Variants in CSGALNACT1 observed in about 807,000 individuals in gnomAD.
The protein encoded by CSGALNACT1 is beta4GalNAcT-1.
In CSGALNACT1, 52 loss-of-function variants were observed where a neutral mutation model predicts 51.0. That is an observed-to-expected ratio of 1.02 (90% CI 0.82 to 1.29). The LOEUF is 1.29. CSGALNACT1 is among the 50% of genes most tolerant of loss of function. The probability of loss-of-function intolerance (pLI) is 0.00; values close to 1 mark genes in which losing one functional copy is unlikely to be tolerated. For synonymous variants in CSGALNACT1, 341 were observed against 254.4 expected (o/e 1.34, Z -3.24); for missense variants, 935 against 679.2 (o/e 1.38, Z -4.19).
At position 19,451,323 on chromosome 8, in the gene CSGALNACT1, T is replaced by C. The variant is rs138694101; in HGVS notation, c.851+7103A>G. On this transcript the variant is annotated intron_variant, in intron 5 of 9. Transcript: ENST00000454498. ...GTTCCAATTTTCTATTAGTCCCAATTTCTAGGTGGACCTGTCCCTCTTCCC... is the reference window on the plus strand; with the variant it reads ...GTTCCAATTTTCTATTAGTCCCAATCTCTAGGTGGACCTGTCCCTCTTCCC... 9.2e-3 allele frequency among the ~76,000 whole-genome samples: 1,408 copies of C among 152,324 alleles called. 20 individuals are homozygous for C. Among genetic ancestry groups the C allele is most frequent in the African/African-American group, 0.032 (1,344 of 41,572 alleles).
intron 4 of CSGALNACT1, among the ~76,000 whole-genome samples, chr8:19,461,368 A>G (rs201576972): frequency 4.6e-5 from 7 of 152,166 alleles, no homozygotes; most frequent in Non-Finnish European, 7.4e-5. Context: ...CCAGGGCCCA[A>G]ATGAGGTGGG....
At chr8:19,523,470 A>G (rs1390025210) in intron 3 of CSGALNACT1, among the ~76,000 whole-genome samples, 1 of 151,774 alleles carries the variant, frequency 6.6e-6, no homozygotes, top group African/African-American at 2.4e-5. Flanking sequence ...TAGTCTTGCA[A>G]TGTTGTCCAG....
intron 1 of CSGALNACT1, among the ~76,000 whole-genome samples, chr8:19,712,707 A>T (rs2062582579): frequency 6.6e-6 from 1 of 152,210 alleles, no homozygotes; most frequent in Non-Finnish European, 1.5e-5. Flanking sequence ...CCAAAACAGC[A>T]CCAGAACACA....
intron 2 of CSGALNACT1, among the ~76,000 whole-genome samples, chr8:19,599,468 AAGAAAAAGAAAGAAAGAAAGAAAG>A (rs1344278772): frequency 1.4e-4 from 15 of 108,476 alleles, no homozygotes; most frequent in African/African-American, 5.6e-4. Context: ...GAAAGAAAGA[AAGAAAAAGAAAGAAAGAAAGAAAG>A]AAAGAAAGAA....
intron 7 of CSGALNACT1, among the ~76,000 whole-genome samples, chr8:19,419,713 G>A (rs2057582896): frequency 6.6e-6 from 1 of 152,162 alleles, no homozygotes; most frequent in African/African-American, 2.4e-5. Context: ...GTTCATGAAA[G>A]CTGACCTCCC....
upstream of CSGALNACT1, among the ~76,000 whole-genome samples, chr8:19,605,632 G>C (rs935799431): frequency 6.6e-6 from 1 of 152,108 alleles, no homozygotes; most frequent in African/African-American, 2.4e-5. Context: ...AGAGGAGGCA[G>C]GATGTGCGTG....
intron 1 of CSGALNACT1, among the ~76,000 whole-genome samples, chr8:19,737,263 T>C (rs948510587): frequency 1.3e-4 from 20 of 151,990 alleles, no homozygotes. Context: ...GGGAAGTATA[T>C]ATCTCCCAGA....
intron 4 of CSGALNACT1, among the ~76,000 whole-genome samples, chr8:19,474,936 C>A (rs939816526): frequency 1.5e-5 from 2 of 133,812 alleles, no homozygotes; most frequent in Non-Finnish European, 3.2e-5. Context: ...CTAGAATATA[C>A]AAAGATGAAT....
At chr8:19,636,525 T>C (rs2056087908) in intron 1 of CSGALNACT1, among the ~76,000 whole-genome samples, 1 of 152,146 alleles carries the variant, frequency 6.6e-6, no homozygotes, top group African/African-American at 2.4e-5. Flanking sequence ...GGTGGACAGT[T>C]TTTTATATTC....
chr8:19,588,259 T>A (rs993407999), intron 3 of CSGALNACT1, among the ~76,000 whole-genome samples: 6 of 152,040 alleles, frequency 3.9e-5, no homozygotes. Flanking sequence ...AACACATATA[T>A]ATACATACAC....
At chr8:19,542,110 A>T (rs2085331279) in intron 3 of CSGALNACT1, among the ~76,000 whole-genome samples, 1 of 151,984 alleles carries the variant, frequency 6.6e-6, no homozygotes, top group Non-Finnish European at 1.5e-5. Context: ...ATGACAAGGA[A>T]TTGTTTTCCA....
exon 10 of CSGALNACT1, chr8:19,405,142 A>T (rs950267281): frequency 2.2e-6 from 1 of 451,832 alleles, no homozygotes; most frequent in Non-Finnish European, 4.4e-6. Flanking sequence ...TCACAAGGGA[A>T]AAAAAGTGCA....
At chr8:19,676,536 G>C (rs2060205362) in intron 1 of CSGALNACT1, among the ~76,000 whole-genome samples, 1 of 152,138 alleles carries the variant, frequency 6.6e-6, no homozygotes, top group South Asian at 2.1e-4. Flanking sequence ...AAAGAATAAA[G>C]ACTGAACGAT....
At chr8:19,660,698 A>T (rs1000587793) in intron 1 of CSGALNACT1, among the ~76,000 whole-genome samples, 1 of 152,138 alleles carries the variant, frequency 6.6e-6, no homozygotes, top group African/African-American at 2.4e-5. Flanking sequence ...TTACAGGCAC[A>T]TTCTCAGAGC....
chr8:19,520,212 A>G (rs1262026682), intron 3 of CSGALNACT1, among the ~76,000 whole-genome samples: 3 of 152,260 alleles, frequency 2.0e-5, no homozygotes, highest in Non-Finnish European at 1.5e-5. Flanking sequence ...CGTATTGTGC[A>G]GAATTATTTT....
intron 7 of CSGALNACT1, among the ~76,000 whole-genome samples, chr8:19,419,672 C>G (rs1388705645): frequency 6.6e-6 from 1 of 152,298 alleles, no homozygotes; most frequent in African/African-American, 2.4e-5. Flanking sequence ...TCCAGCTCCA[C>G]CTCCTCCCCA....
At chr8:19,435,490 T>TAA (rs2060243513) in intron 6 of CSGALNACT1, among the ~76,000 whole-genome samples, 1 of 89,636 alleles carries the variant, frequency 1.1e-5, no homozygotes, top group African/African-American at 5.4e-5. Flanking sequence ...AGACTCTGAA[T>TAA]CAAAAAAAAA....
intron 4 of CSGALNACT1, among the ~76,000 whole-genome samples, chr8:19,491,905 G>A (rs138811172): frequency 1.2e-4 from 18 of 152,308 alleles, no homozygotes; most frequent in African/African-American, 4.3e-4. Flanking sequence ...AATTTTTCAA[G>A]CATTGCAGTG....
chr8:19,590,567 T>TTTA (rs1220349075), intron 3 of CSGALNACT1, among the ~76,000 whole-genome samples: 9 of 151,768 alleles, frequency 5.9e-5, no homozygotes, highest in Non-Finnish European at 1.2e-4. Context: ...TTTTTTCCAA[T>TTTA]TTATTGTATT....
Sources: allele counts gnomAD v4.1 joint callset (sites outside exome capture counted in the v4.1 genomes callset), GRCh38; gene constraint gnomAD v4.1.1; transcripts MANE v1.5; gene names NCBI Gene and HGNC (gene_info 2026-07-23, HGNC 2026-07-21).